The following DSCAM variants were observed in gnomAD, a reference collection of about 807,000 sequenced individuals.
DSCAM encodes cell adhesion molecule DSCAM.
Under a neutral mutation model 217.7 loss-of-function variants are expected in DSCAM, and 47 were observed. The observed-to-expected ratio is 0.22, with a 90% confidence interval of 0.17 to 0.28. The LOEUF (loss-of-function observed/expected upper bound fraction) is 0.28, where lower values mean the gene tolerates loss of function less well. Among genes scored for constraint, DSCAM ranks in the 10% least tolerant of loss-of-function variants. DSCAM has a pLI of 1.00. For missense variants in DSCAM, 2,080 were observed against 2,618.3 expected, an observed-to-expected ratio of 0.79 and a Z score of 4.49; for synonymous variants, 1,056 against 1,015.3, an observed-to-expected ratio of 1.04 and a Z score of -0.76.
At chr21:40,700,303 A>G (rs2090641427) in intron 2 of DSCAM, among the ~76,000 whole-genome samples, 1 of 152,202 alleles carries the variant, frequency 6.6e-6, no homozygotes, top group South Asian at 2.1e-4. Context: ...TTCATCTTTG[A>G]CAAGTATGAT....
intron 1 of DSCAM, among the ~76,000 whole-genome samples, chr21:40,787,797 T>C (rs2091607054): frequency 6.7e-6 from 1 of 149,044 alleles, no homozygotes; most frequent in South Asian, 2.1e-4. Context: ...GGATCAGAAT[T>C]CGAGGTCAGA....
chr21:40,194,931 T>C (rs370639168), intron 11 of DSCAM, among the ~76,000 whole-genome samples: 205 of 152,296 alleles, frequency 1.3e-3, no homozygotes, highest in African/African-American at 4.8e-3. Flanking sequence ...CAATAGCTAA[T>C]TGTTAAACAT....
intron 6 of DSCAM, among the ~76,000 whole-genome samples, chr21:40,342,646 ATATTT>A (rs1371109339): frequency 4.8e-5 from 4 of 83,600 alleles, no homozygotes; most frequent in African/African-American, 2.0e-4. Context: ...ATATATATAT[ATATTT>A]TTTTTTTTTT....
chr21:40,157,352 G>GTTCTACCTCA (rs905252010), intron 16 of DSCAM, among the ~76,000 whole-genome samples: 1 of 152,188 alleles, frequency 6.6e-6, no homozygotes, highest in African/African-American at 2.4e-5. Context: ...GACAGAACCA[G>GTTCTACCTCA]CATGTGAGGT....
intron 30 of DSCAM, among the ~76,000 whole-genome samples, chr21:40,046,354 C>T (rs1220286897): frequency 5.9e-5 from 9 of 152,144 alleles, no homozygotes; most frequent in African/African-American, 9.7e-5. Context: ...GGTAAATATT[C>T]TCTGGGGCAT....
intron 9 of DSCAM, among the ~76,000 whole-genome samples, chr21:40,297,082 G>A (rs1271705683): frequency 2.0e-5 from 3 of 152,062 alleles, no homozygotes; most frequent in South Asian, 2.1e-4. Flanking sequence ...TCAGCACCAC[G>A]GTGGGCCAAA....
chr21:40,607,334 T>C (rs2089253504), intron 3 of DSCAM, among the ~76,000 whole-genome samples: 1 of 151,816 alleles, frequency 6.6e-6, no homozygotes, highest in Non-Finnish European at 1.5e-5. Flanking sequence ...GAACATCATA[T>C]ATAAGAAATG....
At chr21:40,498,359 GA>G (rs1377754918) in intron 3 of DSCAM, among the ~76,000 whole-genome samples, 6 of 151,992 alleles carry the variant, frequency 3.9e-5, no homozygotes, top group Non-Finnish European at 7.4e-5. Context: ...AGACTGCTGT[GA>G]GGACTAAACA....
At chr21:40,473,947 C>G (rs568088785) in intron 3 of DSCAM, among the ~76,000 whole-genome samples, 1 of 152,310 alleles carries the variant, frequency 6.6e-6, no homozygotes, top group East Asian at 1.9e-4. Flanking sequence ...AACCCCTGCT[C>G]AGTGGCATGT....
chr21:40,212,337 AC>A (rs1434390296), intron 11 of DSCAM: 2 of 154,162 alleles, frequency 1.3e-5, no homozygotes, highest in African/African-American at 2.4e-5. Context: ...CAGAGGCCTC[AC>A]CTTGAGAGGC....
chr21:40,572,305 A>C (rs1057132634), intron 3 of DSCAM, among the ~76,000 whole-genome samples: 3 of 152,186 alleles, frequency 2.0e-5, no homozygotes, highest in Non-Finnish European at 4.4e-5. Context: ...ACATACTGTA[A>C]TTTCTAGCAA....
At chr21:40,115,068 A>G (rs1601345301) in intron 20 of DSCAM, among the ~76,000 whole-genome samples, 3 of 152,206 alleles carry the variant, frequency 2.0e-5, no homozygotes, top group Non-Finnish European at 2.9e-5. Flanking sequence ...TACTGGGTAT[A>G]TACCCAAAGG....
intron 1 of DSCAM, among the ~76,000 whole-genome samples, chr21:40,804,998 C>T (rs910394570): frequency 2.2e-4 from 34 of 152,138 alleles, no homozygotes; most frequent in African/African-American, 8.2e-4. Context: ...CAGTGAAAGG[C>T]ACGTCCACTC....
At chr21:40,184,260 G>A (rs760123033) in intron 14 of DSCAM, among the ~76,000 whole-genome samples, 12 of 152,304 alleles carry the variant, frequency 7.9e-5, no homozygotes, top group African/African-American at 2.9e-4. Flanking sequence ...ATTTCTGGAG[G>A]AAGAAACTAA....
At chr21:40,782,412 G>T (rs929481625) in intron 1 of DSCAM, among the ~76,000 whole-genome samples, 5 of 152,120 alleles carry the variant, frequency 3.3e-5, no homozygotes, top group African/African-American at 1.2e-4. Context: ...TCACAGAAAG[G>T]AAGTGTGGCT....
At chr21:40,842,329 C>T (rs2092109472) in intron 1 of DSCAM, among the ~76,000 whole-genome samples, 3 of 152,228 alleles carry the variant, frequency 2.0e-5, no homozygotes, top group Admixed American at 6.5e-5. Context: ...CGCATGGAAA[C>T]CGAGGAAATC....
At chr21:40,525,928 G>A (rs1393406342) in intron 3 of DSCAM, among the ~76,000 whole-genome samples, 1 of 152,064 alleles carries the variant, frequency 6.6e-6, no homozygotes, top group Non-Finnish European at 1.5e-5. Context: ...TGGTATCTCA[G>A]ACATGATCAT....
intron 8 of DSCAM, among the ~76,000 whole-genome samples, chr21:40,337,104 T>C (rs1205053408): frequency 2.0e-5 from 3 of 152,186 alleles, no homozygotes; most frequent in African/African-American, 7.2e-5. Context: ...TATTATTATT[T>C]CCATGTGTGT....
chr21:40,491,454 C>G (rs2076075571), intron 3 of DSCAM, among the ~76,000 whole-genome samples: 1 of 152,062 alleles, frequency 6.6e-6, no homozygotes, highest in South Asian at 2.1e-4. Flanking sequence ...ACGCCACCCC[C>G]ACCCTCCAGT....
Sources: allele counts gnomAD v4.1 joint callset (sites outside exome capture counted in the v4.1 genomes callset), GRCh38; gene constraint gnomAD v4.1.1; transcripts MANE v1.5; gene names NCBI Gene and HGNC (gene_info 2026-07-23, HGNC 2026-07-21).